TTC17: variants seen among roughly 807,000 people sequenced by gnomAD.
TTC17 encodes the protein tetratricopeptide repeat domain 17.
Under a neutral mutation model 143.8 loss-of-function variants are expected in TTC17, and 58 were observed. That is an observed-to-expected ratio of 0.40 (90% CI 0.33 to 0.50). TTC17 has a LOEUF of 0.50. Ranked by LOEUF, TTC17 falls within the 20% of genes least tolerant of loss-of-function variation. The pLI, the probability that TTC17 is intolerant of heterozygous loss-of-function variation, is 0.49. For missense variants in TTC17, 1,273 were observed against 1,392.5 expected (o/e 0.91, Z 1.37); for synonymous variants, 501 against 497.8 (o/e 1.01, Z -0.09).
chr11:43,465,586 A>G (rs574537404), intron 21 of TTC17, among the ~76,000 whole-genome samples: 13 of 152,316 alleles, frequency 8.5e-5, no homozygotes, highest in Admixed American at 7.8e-4. Context: ...AACTCAATTG[A>G]TGGGTATAAA....
At chr11:43,463,078 G>C (rs1444571701) in intron 21 of TTC17, among the ~76,000 whole-genome samples, 2 of 151,862 alleles carry the variant, frequency 1.3e-5, no homozygotes, top group African/African-American at 4.8e-5. Flanking sequence ...ACCACACCCA[G>C]GAATTTTTGT....
intron 16 of TTC17, among the ~76,000 whole-genome samples, chr11:43,430,709 G>GCACACACACACACACACACA (rs10658685): frequency 3.0e-4 from 41 of 138,540 alleles, no homozygotes; most frequent in South Asian, 4.9e-4. Flanking sequence ...CTACATACAC[G>GCACACACACACACACACACA]CACACACACA....
intron 18 of TTC17, among the ~76,000 whole-genome samples, chr11:43,444,718 TACATACAC>T (rs1947501153): frequency 1.1e-5 from 1 of 91,100 alleles, no homozygotes; most frequent in Non-Finnish European, 2.4e-5. Flanking sequence ...GTTCACCAAA[TACATACAC>T]ACACACACAC....
intron 21 of TTC17, among the ~76,000 whole-genome samples, chr11:43,469,172 A>G (rs1455891817): frequency 6.6e-6 from 1 of 152,212 alleles, no homozygotes; most frequent in African/African-American, 2.4e-5. Context: ...GTGAAATACC[A>G]GTTCATACCC....
intron 18 of TTC17, chr11:43,445,983 T>A: frequency 1.3e-6 from 2 of 1,527,958 alleles, no homozygotes; most frequent in Non-Finnish European, 1.8e-6. Flanking sequence ...GTAACTGGAT[T>A]TCAGCAAGGC....
Position 43,391,881 on chromosome 11 carries a change from A to G in TTC17, c.592A>G (p.Thr198Ala), listed in dbSNP as rs1857402996. The change falls in exon 5 of 24, where the codon ACA (threonine) becomes GCA (alanine). Residue 198 changes from threonine (T) to alanine (A), a missense_variant. Physicochemically the swap from Thr to Ala is moderately conservative, Grantham distance 58. Around this residue, in one of 3 missense-constraint regions of TTC17, gnomAD observed 325 missense variants for 444.2 expected, o/e 0.73. Coordinates refer to ENST00000039989, the MANE Select transcript of TTC17 (RefSeq NM_018259.6). ...GCTACCTAAAGAAGACCCAATCTTC[A>G]CATATTTATCTAAACGGTTAGGAAG... The part of the protein sequence containing the change: ...PLLPKEDPIF[T>A]YLSKRLGRSI... The G allele has an allele frequency of 1.2e-6, 2 of 1,614,034 alleles. No individual in the cohort carries two copies. Among genetic ancestry groups the G allele is most frequent in the East Asian group, 4.5e-5 (2 of 44,864 alleles).
chr11:43,476,307 C>T (rs949371104), intron 21 of TTC17, among the ~76,000 whole-genome samples: 2 of 152,210 alleles, frequency 1.3e-5, no homozygotes, highest in African/African-American at 4.8e-5. Context: ...AATAAGCTCC[C>T]ATTGGCCAAA....
intron 2 of TTC17, among the ~76,000 whole-genome samples, chr11:43,386,678 C>T (rs1044128758): frequency 1.3e-5 from 2 of 152,142 alleles, no homozygotes; most frequent in Admixed American, 1.3e-4. Context: ...AAGCTACAAA[C>T]TAAAAGCTGA....
chr11:43,360,370 T>C (rs1278046612), intron 1 of TTC17, among the ~76,000 whole-genome samples: 1 of 152,226 alleles, frequency 6.6e-6, no homozygotes, highest in Admixed American at 6.5e-5. Flanking sequence ...ACTTTAAATA[T>C]ATGTGTATGT....
chr11:43,365,767 G>C (rs1436522053), intron 1 of TTC17, among the ~76,000 whole-genome samples: 1 of 152,152 alleles, frequency 6.6e-6, no homozygotes, highest in Non-Finnish European at 1.5e-5. Context: ...TAAAGCGAAG[G>C]ATTCTACATT....
intron 5 of TTC17, among the ~76,000 whole-genome samples, chr11:43,394,730 A>T (rs987416346): frequency 6.6e-6 from 1 of 152,168 alleles, no homozygotes; most frequent in Non-Finnish European, 1.5e-5. Flanking sequence ...CATAGAGATT[A>T]ATTATTAAAT....
chr11:43,490,854 CAAAAAAAAAA>C (rs57074352), intron 22 of TTC17: 6 of 66,560 alleles, frequency 9.0e-5, no homozygotes, highest in South Asian at 1.7e-3. Flanking sequence ...ACTTTTTCCA[CAAAAAAAAAA>C]AAAAAAAAAA....
At chr11:43,426,192 T>G (rs918811214) in intron 16 of TTC17, among the ~76,000 whole-genome samples, 1 of 152,172 alleles carries the variant, frequency 6.6e-6, no homozygotes, top group African/African-American at 2.4e-5. Flanking sequence ...ATGAACAAAT[T>G]AATAATCAAT....
At chr11:43,434,407 C>G (rs116852520) in intron 16 of TTC17, among the ~76,000 whole-genome samples, 5,512 of 152,202 alleles carry the variant, frequency 0.036, 362 homozygotes, top group Admixed American at 0.18. Flanking sequence ...CCCTACTGAT[C>G]GGCGGGGGGA....
At chr11:43,423,358 G>A (rs1946952366) in intron 16 of TTC17, among the ~76,000 whole-genome samples, 1 of 151,748 alleles carries the variant, frequency 6.6e-6, no homozygotes, top group Non-Finnish European at 1.5e-5. Context: ...TTCAGTGATA[G>A]ACATGTTCAT....
At chr11:43,368,138 T>A (rs1378055556) in intron 1 of TTC17, among the ~76,000 whole-genome samples, 1 of 152,176 alleles carries the variant, frequency 6.6e-6, no homozygotes, top group Non-Finnish European at 1.5e-5. Flanking sequence ...CATTTTCTTC[T>A]GCTGAATTCA....
chr11:43,494,698 CTA>C lies in TTC17; in HGVS notation c.*796_*797del, dbSNP rs1055314604. 1.3e-5 allele frequency: 2 copies of C among 152,100 alleles called. No homozygotes were observed. The highest frequency in any genetic ancestry group is 6.5e-5 in the Admixed American group (1 of 15,276). The allele number at this position is 152,100 out of a possible 1,614,324, so 9.4% of individuals were successfully genotyped here. On this transcript the variant is annotated 3_prime_UTR_variant, in exon 24 of 24. Transcript: ENST00000039989. ...ATTTGAAGCCCTCTACAGACTGAGT[CTA>C]TGTTTTACTAATTCTTTGTTCACTG...
chr11:43,467,096 C>G (rs1947989691), intron 21 of TTC17, among the ~76,000 whole-genome samples: 1 of 152,176 alleles, frequency 6.6e-6, no homozygotes, highest in African/African-American at 2.4e-5. Flanking sequence ...GATGCAGCCA[C>G]TATGGAAAAC....
chr11:43,431,401 C>T (rs945510410), intron 16 of TTC17, among the ~76,000 whole-genome samples: 5 of 152,140 alleles, frequency 3.3e-5, no homozygotes, highest in East Asian at 1.9e-4. Context: ...AGTGTAAAAG[C>T]GTTCCTATTT....
Sources: gnomAD v4.1 joint callset for allele counts (sites outside exome capture counted in the v4.1 genomes callset) on GRCh38, gnomAD v4.1.1 for gene constraint, gnomAD v4.1.1 regional missense constraint, MANE v1.5 for transcripts, NCBI Gene and HGNC (gene_info 2026-07-23, HGNC 2026-07-21) for gene names.